The following MSH3 variants were observed in gnomAD, a reference collection of about 807,000 sequenced individuals.
The protein encoded by MSH3 is DNA mismatch repair protein Msh3.
Under a neutral mutation model 123.3 loss-of-function variants are expected in MSH3, and 106 were observed. The ratio of observed to expected loss-of-function variants is 0.86; its 90% confidence interval spans 0.73 to 1.01. The LOEUF is 1.01. Among genes scored for constraint, MSH3 ranks in the 50% least tolerant of loss-of-function variants. MSH3 has a pLI of 0.00. For synonymous variants in MSH3, 515 were observed against 481.4 expected, an observed-to-expected ratio of 1.07 and a Z score of -0.91; for missense variants, 1,459 against 1,347.6, an observed-to-expected ratio of 1.08 and a Z score of -1.29.
At chr5:80,705,596 G>A (rs1254993526) in intron 8 of MSH3, among the ~76,000 whole-genome samples, 15 of 152,214 alleles carry the variant, frequency 9.9e-5, no homozygotes, top group Admixed American at 9.8e-4. Context: ...GTAACAAAGT[G>A]CCACCAACTG....
At chr5:80,740,817 T>C (rs1743599850) in intron 10 of MSH3, among the ~76,000 whole-genome samples, 1 of 151,510 alleles carries the variant, frequency 6.6e-6, no homozygotes, top group Admixed American at 6.6e-5. Flanking sequence ...CTGGTTCAAG[T>C]GATTCTTGTG....
chr5:80,747,250 T>C (rs1184275547), intron 12 of MSH3, among the ~76,000 whole-genome samples: 3 of 152,190 alleles, frequency 2.0e-5, no homozygotes, highest in Non-Finnish European at 4.4e-5. Context: ...CCATGTAAAT[T>C]AAAATTCTTC....
At chr5:80,775,887 G>A in intron 16 of MSH3, 129 bp downstream of exon 16, 1 of 646,784 alleles carries the variant, frequency 1.5e-6, no homozygotes, top group Admixed American at 2.6e-5. Flanking sequence ...TTTTCTGATG[G>A]AACTTTTTTT....
At chr5:80,851,876 A>G (rs1379348221) in intron 20 of MSH3, among the ~76,000 whole-genome samples, 2 of 152,340 alleles carry the variant, frequency 1.3e-5, no homozygotes, top group Non-Finnish European at 2.9e-5. Flanking sequence ...CACCTCTGTC[A>G]TATACAAAAT....
chr5:80,820,232 A>C (rs894966847), intron 20 of MSH3, among the ~76,000 whole-genome samples: 1 of 152,236 alleles, frequency 6.6e-6, no homozygotes, highest in Non-Finnish European at 1.5e-5. Context: ...AGGTTTCCAC[A>C]AAGCTAAATT....
chr5:80,720,767 A>G (rs2112851854), intron 8 of MSH3, among the ~76,000 whole-genome samples: 1 of 151,510 alleles, frequency 6.6e-6, no homozygotes. Flanking sequence ...GTCCTTTTCT[A>G]TTACTCATTT....
chr5:80,723,245 C>T (rs960608137), intron 8 of MSH3, among the ~76,000 whole-genome samples: 1 of 152,064 alleles, frequency 6.6e-6, no homozygotes, highest in East Asian at 1.9e-4. Context: ...AGGTAGGGAC[C>T]TTGCCACTTT....
intron 20 of MSH3, among the ~76,000 whole-genome samples, chr5:80,846,003 C>A (rs942284203): frequency 6.6e-6 from 1 of 152,198 alleles, no homozygotes; most frequent in Non-Finnish European, 1.5e-5. Context: ...TCGGAAGTTT[C>A]TGCTTTTCTG....
At chr5:80,796,818 A>T (rs1401948668) in intron 19 of MSH3, among the ~76,000 whole-genome samples, 2 of 151,726 alleles carry the variant, frequency 1.3e-5, no homozygotes, top group East Asian at 3.9e-4. Context: ...TAATCCAAGC[A>T]TTTATACATG....
At chr5:80,673,535 A>G (rs951214008) in intron 6 of MSH3, among the ~76,000 whole-genome samples, 2 of 152,134 alleles carry the variant, frequency 1.3e-5, no homozygotes, top group African/African-American at 4.8e-5. Flanking sequence ...GTCTCAAACA[A>G]ACAAACAAAC....
intron 12 of MSH3, among the ~76,000 whole-genome samples, chr5:80,753,708 A>G (rs1218845353): frequency 1.3e-5 from 2 of 152,034 alleles, no homozygotes; most frequent in East Asian, 3.9e-4. Flanking sequence ...TGCATAAACA[A>G]TCCATGGCCT....
At chr5:80,792,921 T>A in intron 19 of MSH3, 77 bp downstream of exon 19, 1 of 956,590 alleles carries the variant, frequency 1.0e-6, no homozygotes, top group Non-Finnish European at 1.6e-6. Context: ...TTTTTATAAT[T>A]AAAAGTTACC....
intron 19 of MSH3, among the ~76,000 whole-genome samples, chr5:80,805,593 CTT>C (rs34689496): frequency 0.2 from 21,201 of 104,068 alleles, 3,130 homozygotes; most frequent in East Asian, 0.4. Context: ...CCCCCCCTAC[CTT>C]TTTTTTTTTT....
At chr5:80,866,264 C>T (rs985877192) in intron 22 of MSH3, among the ~76,000 whole-genome samples, 11 of 152,090 alleles carry the variant, frequency 7.2e-5, no homozygotes, top group South Asian at 2.1e-4. Context: ...TCAGCCTCCC[C>T]GGTAGCTGGG....
intron 8 of MSH3, among the ~76,000 whole-genome samples, chr5:80,713,008 C>T (rs1292295665): frequency 6.6e-6 from 1 of 152,162 alleles, no homozygotes; most frequent in African/African-American, 2.4e-5. Context: ...GCTTGGAACT[C>T]ATCAGTGCTA....
In MSH3 at chr5:80,715,172, G is replaced by A. The variant is rs1221671461; in HGVS notation, c.1341-10281G>A. ...AATAATGCCGCCCACAGCAAGGAGA[G>A]CCGTAGTTCTGGAACTTGTACTCAT... is the stretch of plus-strand genomic sequence containing the variant. On this transcript the variant is annotated intron_variant, in intron 8 of 23. Coordinates refer to ENST00000265081, the MANE Select transcript of MSH3 (RefSeq NM_002439.5). 2.6e-5 allele frequency: 4 copies of A among 152,310 alleles called. No individual in the cohort carries two copies. The East Asian group carries it at 7.7e-4, about 29-fold the overall frequency. 9.4% of individuals were successfully genotyped at this position (152,310 alleles called of 1,614,324 possible).
Position 80,656,533 on chromosome 5 carries a change from T to G in MSH3, c.358+2T>G, listed in dbSNP as rs1450314617. ...ATCTGGGAATGTCTGGCAACTCTGG[T>G]GAGTTGTGGGGGATTCTTTTTTCTC... On this transcript the variant is annotated splice_donor_variant, in intron 2 of 23. Coordinates refer to ENST00000265081, the MANE Select transcript of MSH3 (RefSeq NM_002439.5). LOFTEE classifies it high-confidence loss of function. 9.9e-6 allele frequency: 16 copies of G among 1,613,954 alleles called. No individual in the cohort carries two copies. Among genetic ancestry groups the G allele is most frequent in the Non-Finnish European group, 8.5e-7 (1 of 1,179,936 alleles).
At chr5:80,717,388 G>A (rs951667069) in intron 8 of MSH3, among the ~76,000 whole-genome samples, 2 of 152,136 alleles carry the variant, frequency 1.3e-5, no homozygotes, top group South Asian at 2.1e-4. Flanking sequence ...CACCTCAGCC[G>A]CCTGAGTAGC....
At chr5:80,704,420 C>CATTT (rs1372747368) in intron 8 of MSH3, among the ~76,000 whole-genome samples, 2 of 152,164 alleles carry the variant, frequency 1.3e-5, no homozygotes, top group Non-Finnish European at 2.9e-5. Context: ...AAGTGGAATG[C>CATTT]ATTTCCTGGT....
Sources: gnomAD v4.1 joint callset for allele counts (sites outside exome capture counted in the v4.1 genomes callset) on GRCh38, gnomAD v4.1.1 for gene constraint, MANE v1.5 for transcripts, NCBI Gene and HGNC (gene_info 2026-07-23, HGNC 2026-07-21) for gene names.